Variants in PTPRT observed in about 807,000 individuals in gnomAD.
The protein encoded by PTPRT is protein tyrosine phosphatase receptor type T, also known as receptor-type tyrosine-protein phosphatase T.
PTPRT carries 56 observed loss-of-function variants against 176.8 expected under a neutral mutation model. The ratio of observed to expected loss-of-function variants is 0.32; its 90% confidence interval spans 0.26 to 0.40. The LOEUF (loss-of-function observed/expected upper bound fraction) is 0.40. Among genes scored for constraint, PTPRT ranks in the 10% least tolerant of loss-of-function variants. PTPRT has a pLI of 1.00. For synonymous variants in PTPRT, 783 were observed against 739.0 expected (o/e 1.06, Z -0.96); for missense variants, 1,540 against 1,908.2 (o/e 0.81, Z 3.60).
intron 17 of PTPRT, among the ~76,000 whole-genome samples, chr20:42,157,408 C>T (rs548350411): frequency 5.8e-4 from 87 of 150,914 alleles, no homozygotes; most frequent in African/African-American, 2.0e-3. Context: ...TATACTGGCA[C>T]GATCTCAGCT....
In PTPRT at chr20:42,744,783, G is replaced by C. The variant is rs565967137; in HGVS notation, c.859+11679C>G. 6.2e-4 allele frequency among the ~76,000 whole-genome samples: 95 copies of C among 152,278 alleles called. 1 individual carries two copies. The highest frequency in any genetic ancestry group is 5.6e-3 in the South Asian group (27 of 4,822). On this transcript the variant is annotated intron_variant, in intron 6 of 30. Transcript: ENST00000373187. ...TTGTCTGCATCCAGCTAACCAAAGA[G>C]GGGGGTGAGCAGATGAGGAATGACT...
At chr20:42,255,848 G>A (rs1050560014) in intron 13 of PTPRT, among the ~76,000 whole-genome samples, 11 of 152,192 alleles carry the variant, frequency 7.2e-5, no homozygotes, top group Non-Finnish European at 1.6e-4. Flanking sequence ...TGACGATAAA[G>A]AAAGCAACCC....
intron 7 of PTPRT, among the ~76,000 whole-genome samples, chr20:42,668,466 C>T (rs2075354821): frequency 6.6e-6 from 1 of 152,144 alleles, no homozygotes; most frequent in African/African-American, 2.4e-5. Context: ...ACAGTCAGCT[C>T]ATACAATAAT....
At chr20:42,610,678 T>C (rs1242490754) in intron 7 of PTPRT, among the ~76,000 whole-genome samples, 1 of 152,186 alleles carries the variant, frequency 6.6e-6, no homozygotes, top group Non-Finnish European at 1.5e-5. Flanking sequence ...TTGTGGGGGA[T>C]AACACCCTTT....
chr20:42,066,037 C>CTT, the PTPRT span, among the ~76,000 whole-genome samples: 2,410 of 124,124 alleles, frequency 0.019, 90 homozygotes, highest in Middle Eastern at 0.034. Flanking sequence ...TAGTATATTA[C>CTT]TTTTTTTTTT....
Position 42,096,756 on chromosome 20 carries a change from ATTTT to A in PTPRT, c.3846+1661_3846+1664del, listed in dbSNP as rs58111170. Among the ~76,000 whole-genome samples, 74 of 118,854 alleles carry A rather than the reference ATTTT, an allele frequency of 6.2e-4. 1 individual carries two copies. Among genetic ancestry groups the A allele is most frequent in the South Asian group, 5.4e-4 (2 of 3,672 alleles). The allele number at this position is 118,854 out of a possible 152,430, so 78.0% of individuals were successfully genotyped here. A position where few individuals can be genotyped will look rare whatever the true frequency, so the allele number is the denominator to read the frequency against. On this transcript the variant is annotated intron_variant, in intron 27 of 30. Transcript: ENST00000373187. The stretch of plus-strand genomic sequence containing the variant: ...ATGGCACCATGCCTGGCTAATTAAA[ATTTT>A]TTTTTTTTTTTTTTTTTTTTGTAGA...
chr20:42,403,600 C>A (rs112423594), intron 9 of PTPRT, among the ~76,000 whole-genome samples: 1 of 152,150 alleles, frequency 6.6e-6, no homozygotes, highest in East Asian at 1.9e-4. Context: ...GACTTTCAGT[C>A]TTCAATTGCT....
intron 12 of PTPRT, among the ~76,000 whole-genome samples, chr20:42,313,239 C>A (rs1388659129): frequency 6.6e-6 from 1 of 152,148 alleles, no homozygotes; most frequent in African/African-American, 2.4e-5. Context: ...CCTTGTTTAG[C>A]ATATCAAGGA....
chr20:42,170,438 C>T (rs536329130), intron 16 of PTPRT, among the ~76,000 whole-genome samples: 3 of 152,174 alleles, frequency 2.0e-5, no homozygotes, highest in South Asian at 4.2e-4. Flanking sequence ...AATAATAAGA[C>T]TAAGACAACA....
chr20:42,339,831 T>C (rs975697412), intron 11 of PTPRT, among the ~76,000 whole-genome samples: 4 of 152,214 alleles, frequency 2.6e-5, no homozygotes, highest in Non-Finnish European at 5.9e-5. Context: ...TTTAGAAGTC[T>C]AGCTCGGTAG....
At chr20:42,563,728 T>C (rs1380564887) in intron 7 of PTPRT, among the ~76,000 whole-genome samples, 2 of 152,174 alleles carry the variant, frequency 1.3e-5, no homozygotes, top group East Asian at 3.9e-4. Flanking sequence ...TTTGAGAGAC[T>C]GAAGTAGGTT....
intron 2 of PTPRT, among the ~76,000 whole-genome samples, chr20:42,880,814 T>C (rs1600511569): frequency 6.6e-6 from 1 of 152,222 alleles, no homozygotes; most frequent in African/African-American, 2.4e-5. Flanking sequence ...GCTTCTCCCA[T>C]GGACAGAGAT....
intron 5 of PTPRT, among the ~76,000 whole-genome samples, chr20:42,765,215 T>C (rs991010194): frequency 3.9e-5 from 6 of 152,206 alleles, no homozygotes; most frequent in Non-Finnish European, 8.8e-5. Flanking sequence ...CCCTCGTGGA[T>C]TGAATCCTTT....
At chr20:42,383,511 A>T (rs1268043555) in intron 9 of PTPRT, among the ~76,000 whole-genome samples, 1 of 152,218 alleles carries the variant, frequency 6.6e-6, no homozygotes, top group African/African-American at 2.4e-5. Context: ...ATGGGAGGAC[A>T]GGAGAATGGC....
In PTPRT at chr20:42,350,743, CAG is replaced by C. The variant is rs761514759; in HGVS notation, c.1763-15_1763-14del. On this transcript the variant is annotated splice_polypyrimidine_tract_variant and intron_variant, in intron 10 of 30. Transcript: ENST00000373187. ...GGCATGGATGGAGCTGGACAGGAAACAGAGAGTGCAGGTGAGTTCAGCACAGA... is the reference window on the plus strand; with the variant it reads ...GGCATGGATGGAGCTGGACAGGAAACAGAGTGCAGGTGAGTTCAGCACAGA... 4.3e-5 allele frequency: 68 copies of C among 1,586,046 alleles called. No homozygotes were observed. The highest frequency in any genetic ancestry group is 5.8e-5 in the Non-Finnish European group (67 of 1,154,926).
chr20:42,663,860 C>T (rs1260670728), intron 7 of PTPRT, among the ~76,000 whole-genome samples: 1 of 152,168 alleles, frequency 6.6e-6, no homozygotes, highest in Non-Finnish European at 1.5e-5. Flanking sequence ...ATTTACTTAA[C>T]TACTCTCCAA....
chr20:43,131,144 C>G (rs2013635359), intron 1 of PTPRT, among the ~76,000 whole-genome samples: 1 of 152,258 alleles, frequency 6.6e-6, no homozygotes, highest in African/African-American at 2.4e-5. Context: ...CCAAGTATGC[C>G]TGGGCATCCC....
At chr20:42,346,932 T>G (rs538490421) in intron 11 of PTPRT, among the ~76,000 whole-genome samples, 3 of 152,076 alleles carry the variant, frequency 2.0e-5, no homozygotes, top group Non-Finnish European at 4.4e-5. Context: ...TGCCCACCCC[T>G]CATGCCCTGG....
At chr20:42,281,274 C>G (rs1816069224) in intron 13 of PTPRT, among the ~76,000 whole-genome samples, 1 of 152,142 alleles carries the variant, frequency 6.6e-6, no homozygotes, top group Admixed American at 6.5e-5. Context: ...CTCTTTCCAT[C>G]CAGGAGCCTG....
Sources: gnomAD v4.1 joint callset for allele counts (sites outside exome capture counted in the v4.1 genomes callset) on GRCh38, gnomAD v4.1.1 for gene constraint, MANE v1.5 for transcripts, NCBI Gene and HGNC (gene_info 2026-07-23, HGNC 2026-07-21) for gene names.